ZNF385C: variants seen among roughly 807,000 people sequenced by gnomAD.
The protein encoded by ZNF385C is CTD-2132N18.2.
Under a neutral mutation model 35.4 loss-of-function variants are expected in ZNF385C, and 28 were observed. The ratio of observed to expected loss-of-function variants is 0.79; its 90% CI spans 0.59 to 1.08. ZNF385C has a LOEUF of 1.08. ZNF385C is among the 50% of genes least tolerant of loss of function. ZNF385C has a pLI of 0.00. For missense variants in ZNF385C, 605 were observed against 595.6 expected, an observed-to-expected ratio of 1.02 and a Z score of -0.16; for synonymous variants, 248 against 248.2, an observed-to-expected ratio of 1.00 and a Z score of 0.01.
At position 42,045,045 on chromosome 17, in the gene ZNF385C, G is replaced by A. The variant is rs1280116290; in HGVS notation, c.251-7160C>T. On this transcript the variant is annotated intron_variant, in intron 2 of 8. Coordinates refer to ENST00000692273, the MANE Select transcript of ZNF385C (RefSeq NM_001392013.1). ...CCATTCTCCTGCCTCAGCCTCCCAA[G>A]TAGCTGGGACTACAGGCACCCGCCA... 8.6e-5 allele frequency among the ~76,000 whole-genome samples: 13 copies of A among 151,984 alleles called. 1 individual carries two copies. The highest frequency in any genetic ancestry group is 3.1e-4 in the African/African-American group (13 of 41,356).
rs1330829959 is a variant in ZNF385C at position 42,025,869 on chromosome 17, T to C, written c.*1028A>G. ...TCAGCTTCACAGTGGCAGGGGCTGG[T>C]TGGGAGAAGGGAAAGCTGAATTTAG... On this transcript the variant is annotated 3_prime_UTR_variant, in exon 9 of 9. Coordinates refer to ENST00000692273, the MANE Select transcript of ZNF385C (RefSeq NM_001392013.1). 5 of 151,786 alleles carry C rather than the reference T, an allele frequency of 3.3e-5. No homozygotes were observed. Among genetic ancestry groups the C allele is most frequent in the South Asian group, 4.2e-4 (2 of 4,816 alleles). 9.4% of individuals were successfully genotyped at this position (151,786 alleles called of 1,614,324 possible).
At chr17:42,044,114 TG>T (rs2053090821) in intron 2 of ZNF385C, among the ~76,000 whole-genome samples, 1 of 125,930 alleles carries the variant, frequency 7.9e-6, no homozygotes, top group Non-Finnish European at 1.6e-5. Context: ...AAGACCAGCC[TG>T]GGCAACATGG....
intron 1 of ZNF385C, among the ~76,000 whole-genome samples, chr17:42,075,730 A>G (rs1300279970): frequency 6.6e-6 from 1 of 152,060 alleles, no homozygotes; most frequent in Non-Finnish European, 1.5e-5. Flanking sequence ...TCCTGACCTC[A>G]TGATCCACCT....
chr17:42,085,499 T>G (rs542289898), intron 1 of ZNF385C, among the ~76,000 whole-genome samples: 1 of 151,514 alleles, frequency 6.6e-6, no homozygotes, highest in South Asian at 2.1e-4. Context: ...TTGCCCAGGT[T>G]GGTCTCAAAT....
chr17:42,062,516 T>C, intron 2 of ZNF385C: 2 of 300,186 alleles, frequency 6.7e-6, no homozygotes, highest in Non-Finnish European at 1.2e-5. Context: ...GAAGTGCTGC[T>C]TAGGAGTCCT....
At chr17:42,045,476 C>T (rs549199091) in intron 2 of ZNF385C, among the ~76,000 whole-genome samples, 3 of 152,202 alleles carry the variant, frequency 2.0e-5, no homozygotes, top group Admixed American at 2.0e-4. Context: ...AGGGTCAGAC[C>T]CAGATGACTC....
At chr17:42,029,938 G>T (rs1288081860) in intron 5 of ZNF385C, among the ~76,000 whole-genome samples, 1 of 151,752 alleles carries the variant, frequency 6.6e-6, no homozygotes, top group Admixed American at 6.6e-5. Context: ...GGAGGCTGAG[G>T]CAGGAGAATC....
chr17:42,034,810 GAA>G (rs2052809412), intron 3 of ZNF385C, among the ~76,000 whole-genome samples: 1 of 147,732 alleles, frequency 6.8e-6, no homozygotes, highest in South Asian at 2.1e-4. Context: ...AAAAGAAAAA[GAA>G]AAAGAAAAGG....
chr17:42,029,094 T>C (rs1598177764), intron 5 of ZNF385C, 21 bp from the exon 6 acceptor site: 1 of 1,541,612 alleles, frequency 6.5e-7, no homozygotes, highest in Non-Finnish European at 8.8e-7. Flanking sequence ...GATGGAAGAG[T>C]GTGAGACCCA....
At chr17:42,063,908 A>G (rs1555658238) in intron 1 of ZNF385C, among the ~76,000 whole-genome samples, 1 of 152,060 alleles carries the variant, frequency 6.6e-6, no homozygotes, top group African/African-American at 2.4e-5. Flanking sequence ...GTGTGAAGCC[A>G]TCCCAACCCC....
At position 42,084,789 on chromosome 17, in the gene ZNF385C, A is replaced by T. The variant is rs530171597; in HGVS notation, c.-3+13621T>A. Among the ~76,000 whole-genome samples, 85 of 149,126 alleles carry T rather than the reference A, an allele frequency of 5.7e-4. 1 individual carries two copies. Among genetic ancestry groups the T allele is most frequent in the Admixed American group, 8.1e-4 (12 of 14,870 alleles). ...CCATGCCCAGCTAATTTAAAAAAAA[A>T]TTTTTTTTTTAGAGATGGGGTCTTG... On this transcript the variant is annotated intron_variant, in intron 1 of 8. Transcript: ENST00000692273.
At chr17:42,052,215 C>A (rs533816333) in intron 2 of ZNF385C, among the ~76,000 whole-genome samples, 1 of 152,270 alleles carries the variant, frequency 6.6e-6, no homozygotes, top group South Asian at 2.1e-4. Flanking sequence ...AAGGTCCAAC[C>A]GAGGCTGGGG....
chr17:42,026,691 G>T lies in ZNF385C; in HGVS notation c.*206C>A, dbSNP rs2052585150. ...GGGTGGGAAATGCAGGCAAGCCTAG[G>T]ATTAACCCTGGAAGGCCTGCGAAAG... On this transcript the variant is annotated 3_prime_UTR_variant, in exon 9 of 9. Coordinates refer to ENST00000692273, the MANE Select transcript of ZNF385C (RefSeq NM_001392013.1). The T allele has an allele frequency of 1.6e-6, 1 of 620,218 alleles. No individual in the cohort carries two copies. Among genetic ancestry groups the T allele is most frequent in the East Asian group, 2.8e-5 (1 of 35,968 alleles). The allele number at this position is 620,218 out of a possible 1,614,324, so 38.4% of individuals were successfully genotyped here. A position where few individuals can be genotyped will look rare whatever the true frequency, so the allele number is the denominator to read the frequency against.
At chr17:42,045,680 G>A (rs1430571396) in intron 2 of ZNF385C, among the ~76,000 whole-genome samples, 1 of 152,136 alleles carries the variant, frequency 6.6e-6, no homozygotes, top group African/African-American at 2.4e-5. Flanking sequence ...CCCAGTTCAG[G>A]CCCTCACGGT....
At chr17:42,053,981 C>G (rs1598193382) in intron 2 of ZNF385C, among the ~76,000 whole-genome samples, 1 of 152,302 alleles carries the variant, frequency 6.6e-6, no homozygotes, top group East Asian at 1.9e-4. Flanking sequence ...CTGGTTCTGC[C>G]TGGAAAGCAG....
intron 1 of ZNF385C, among the ~76,000 whole-genome samples, chr17:42,098,182 G>T (rs1387273514): frequency 1.3e-5 from 2 of 152,208 alleles, no homozygotes; most frequent in Admixed American, 1.3e-4. Flanking sequence ...TTTGGAGCCC[G>T]CCTGGCATCA....
chr17:42,079,217 T>TAC lies in ZNF385C; in HGVS notation c.-2-16161_-2-16160dup, dbSNP rs1567995836. 2.4e-4 allele frequency among the ~76,000 whole-genome samples: 28 copies of TAC among 118,652 alleles called. 1 individual carries two copies. The East Asian group carries it at 4.9e-3, about 21-fold the overall frequency. The allele number at this position is 118,652 out of a possible 152,430, so 77.8% of individuals were successfully genotyped here. On this transcript the variant is annotated intron_variant, in intron 1 of 8. Coordinates refer to ENST00000692273, the MANE Select transcript of ZNF385C (RefSeq NM_001392013.1). ...AAAAAAAAAAAAATATATATATATA[T>TAC]ACATATATATATATATACACACATA...
chr17:42,098,095 C>A (rs186458087), intron 1 of ZNF385C, among the ~76,000 whole-genome samples: 1 of 152,304 alleles, frequency 6.6e-6, no homozygotes, highest in Non-Finnish European at 1.5e-5. Flanking sequence ...TTACTCCGGA[C>A]CCCCGTCCTC....
At position 42,037,777 on chromosome 17, in the gene ZNF385C, T is replaced by C. The variant is rs1239101846; in HGVS notation, c.359A>G (p.Asn120Ser). ...GAAGAGACTGAGCGGGGCAGCGCCATTGAAGTGGAAGGCGAGCAAGTGCTT... is the reference window on the plus strand; with the variant it reads ...GAAGAGACTGAGCGGGGCAGCGCCACTGAAGTGGAAGGCGAGCAAGTGCTT... ...DFKHLLAFHF[N>S]GAAPLSLFPN... Residue 120 changes from asparagine (N) to serine (S), a missense_variant, in exon 3 of 9, where the codon AAT becomes AGT. Asn to Ser is a conservative substitution (Grantham distance 46). Coordinates refer to ENST00000692273, the MANE Select transcript of ZNF385C (RefSeq NM_001392013.1). The C allele has an allele frequency of 1.3e-6, 2 of 1,536,836 alleles. No individual in the cohort carries two copies. Among genetic ancestry groups the C allele is most frequent in the South Asian group, 2.4e-5 (2 of 82,124 alleles).
Sources: gnomAD v4.1 joint callset for allele counts (sites outside exome capture counted in the v4.1 genomes callset) on GRCh38, gnomAD v4.1.1 for gene constraint, MANE v1.5 for transcripts, NCBI Gene and HGNC (gene_info 2026-07-23, HGNC 2026-07-21) for gene names.